Variants in GALNT13 observed in about 807,000 individuals in gnomAD.
GALNT13 encodes UDP-GalNAc:polypeptide N-acetylgalactosaminyltransferase 13.
Under a neutral mutation model 64.2 loss-of-function variants are expected in GALNT13, and 28 were observed. The observed-to-expected ratio is 0.44, with a 90% confidence interval of 0.32 to 0.60. The LOEUF (loss-of-function observed/expected upper bound fraction) is 0.60. GALNT13 is among the 20% of genes least tolerant of loss of function. The pLI is 0.05. For missense variants in GALNT13, 577 were observed against 669.8 expected (o/e 0.86, Z 1.53); for synonymous variants, 214 against 224.6 (o/e 0.95, Z 0.42).
At chr2:153,094,423 G>A in the GALNT13 span, among the ~76,000 whole-genome samples, 1 of 152,120 alleles carries the variant, frequency 6.6e-6, no homozygotes, top group Non-Finnish European at 1.5e-5. Flanking sequence ...CCATGCTCAT[G>A]GATAGGAAGA....
chr2:154,282,686 T>C (rs1692027784), intron 8 of GALNT13, among the ~76,000 whole-genome samples: 1 of 152,126 alleles, frequency 6.6e-6, no homozygotes. Context: ...TTTTTTATTT[T>C]CCATGCAAAA....
downstream of GALNT13, among the ~76,000 whole-genome samples, chr2:154,455,115 CAGAG>C (rs769132145): frequency 2.6e-5 from 4 of 152,034 alleles, no homozygotes; most frequent in Admixed American, 6.6e-5. Context: ...AAAAAGTGTA[CAGAG>C]AGAGAAAAAT....
the GALNT13 span, among the ~76,000 whole-genome samples, chr2:153,099,440 T>A: frequency 6.6e-6 from 1 of 152,190 alleles, no homozygotes; most frequent in Non-Finnish European, 1.5e-5. Context: ...TATGGAAAAG[T>A]ACAATATTGA....
At chr2:153,973,559 A>G (rs1379992214) in intron 3 of GALNT13, among the ~76,000 whole-genome samples, 1 of 151,964 alleles carries the variant, frequency 6.6e-6, no homozygotes, top group Non-Finnish European at 1.5e-5. Flanking sequence ...TTTTATAAAA[A>G]TTATAAAATT....
At chr2:153,343,198 C>T in the GALNT13 span, among the ~76,000 whole-genome samples, 5 of 152,188 alleles carry the variant, frequency 3.3e-5, no homozygotes, top group East Asian at 3.9e-4. Context: ...AATGGCCATG[C>T]GTGATTATAA....
chr2:154,239,631 A>G (rs1689374964), intron 4 of GALNT13, among the ~76,000 whole-genome samples: 2 of 152,274 alleles, frequency 1.3e-5, no homozygotes, highest in South Asian at 4.1e-4. Context: ...GAATCTTGCC[A>G]CCAGAAAGAG....
Position 154,409,364 on chromosome 2 carries a change from G to A in GALNT13, c.1395+282G>A, listed in dbSNP as rs2105393419. ...TTTTATCATGTATTAGCAAATGAGA[G>A]GAGTACATTTTATTCTATTAACTGA... On this transcript the variant is annotated intron_variant, in intron 11 of 12. Transcript: ENST00000392825. 1.4e-5 allele frequency: 5 copies of A among 349,850 alleles called. No individual in the cohort carries two copies. In the South Asian group the frequency reaches 1.6e-4, roughly 11 times the overall value. The allele number at this position is 349,850 out of a possible 1,614,324, so 21.7% of individuals were successfully genotyped here.
At chr2:154,405,559 C>A (rs530268518) in intron 10 of GALNT13, among the ~76,000 whole-genome samples, 182 of 141,882 alleles carry the variant, frequency 1.3e-3, no homozygotes, top group Admixed American at 3.7e-3. Flanking sequence ...CCAGCCTGAC[C>A]AATATGATGT....
At chr2:153,847,993 T>A in the GALNT13 span, among the ~76,000 whole-genome samples, 2 of 152,226 alleles carry the variant, frequency 1.3e-5, no homozygotes, top group African/African-American at 4.8e-5. Context: ...GAACTCTGAA[T>A]AAGTCAGTAA....
the GALNT13 span, among the ~76,000 whole-genome samples, chr2:153,473,720 C>G: frequency 6.6e-6 from 1 of 152,154 alleles, no homozygotes. Context: ...TTGTAACCCC[C>G]AAAGTGAGAA....
chr2:153,607,885 AT>A, the GALNT13 span, among the ~76,000 whole-genome samples: 1 of 152,108 alleles, frequency 6.6e-6, no homozygotes, highest in African/African-American at 2.4e-5. Context: ...CATCAGGATA[AT>A]TTTTCATCTA....
the GALNT13 span, among the ~76,000 whole-genome samples, chr2:153,723,930 T>C: frequency 2.7e-5 from 4 of 150,726 alleles, no homozygotes; most frequent in Non-Finnish European, 5.9e-5. Flanking sequence ...CCAATGACTT[T>C]CTTCACAGAA....
chr2:153,301,320 A>AAAAAG, the GALNT13 span, among the ~76,000 whole-genome samples: 6 of 126,710 alleles, frequency 4.7e-5, no homozygotes, highest in South Asian at 9.4e-4. Flanking sequence ...AAAAAAAAAG[A>AAAAAG]AAAAAAAAAA....
chr2:153,748,025 A>G, the GALNT13 span, among the ~76,000 whole-genome samples: 7 of 152,164 alleles, frequency 4.6e-5, no homozygotes, highest in Non-Finnish European at 7.4e-5. Context: ...TCTTTTGGGT[A>G]TATGCATTGT....
At chr2:153,441,722 G>A in the GALNT13 span, among the ~76,000 whole-genome samples, 1 of 152,114 alleles carries the variant, frequency 6.6e-6, no homozygotes, top group Admixed American at 6.5e-5. Flanking sequence ...GTGAATGGGA[G>A]TTCACTCATG....
chr2:153,839,652 A>G, the GALNT13 span, among the ~76,000 whole-genome samples: 2 of 151,908 alleles, frequency 1.3e-5, no homozygotes, highest in African/African-American at 2.4e-5. Flanking sequence ...AAATCCATAT[A>G]TTTAATAGAT....
intron 9 of GALNT13, among the ~76,000 whole-genome samples, chr2:154,392,553 G>A (rs1342757556): frequency 1.3e-5 from 2 of 152,130 alleles, no homozygotes; most frequent in Admixed American, 6.5e-5. Flanking sequence ...ATTCTTTCAT[G>A]TTTATTCAAA....
the GALNT13 span, among the ~76,000 whole-genome samples, chr2:153,764,955 C>A: frequency 6.6e-6 from 1 of 152,234 alleles, no homozygotes; most frequent in Non-Finnish European, 1.5e-5. Context: ...GTTGGGCCTG[C>A]AGGTGCACAG....
At chr2:153,959,899 C>G (rs1371502807) in intron 3 of GALNT13, among the ~76,000 whole-genome samples, 11 of 152,150 alleles carry the variant, frequency 7.2e-5, no homozygotes, top group Admixed American at 7.2e-4. Flanking sequence ...GGCTGCCTGT[C>G]AGAGAGTTGG....
Sources: allele counts gnomAD v4.1 joint callset (sites outside exome capture counted in the v4.1 genomes callset), GRCh38; gene constraint gnomAD v4.1.1; transcripts MANE v1.5; gene names NCBI Gene and HGNC (gene_info 2026-07-23, HGNC 2026-07-21).